PRDM16: variants seen among roughly 807,000 people sequenced by gnomAD.
PRDM16 encodes the protein PR/SET domain 16.
In PRDM16, 23 loss-of-function variants were observed where a neutral mutation model predicts 110.6. The observed-to-expected ratio is 0.21, with a 90% confidence interval of 0.15 to 0.29. PRDM16 has a LOEUF of 0.29. Ranked by LOEUF, PRDM16 falls within the 10% of genes least tolerant of loss-of-function variation. PRDM16 has a pLI of 1.00. For synonymous variants in PRDM16, 799 were observed against 781.8 expected (o/e 1.02, Z -0.37); for missense variants, 1,615 against 1,794.3 (o/e 0.90, Z 1.81).
intron 3 of PRDM16, among the ~76,000 whole-genome samples, chr1:3,257,779 C>G (rs980132536): frequency 2.0e-5 from 3 of 152,212 alleles, no homozygotes; most frequent in African/African-American, 7.2e-5. Context: ...CAGGATACAA[C>G]CAACCACACA....
At chr1:3,180,984 AGTCTTACACACGATCTTACACGCG>A (rs1644149942) in intron 1 of PRDM16, among the ~76,000 whole-genome samples, 2 of 141,962 alleles carry the variant, frequency 1.4e-5, no homozygotes, top group African/African-American at 5.2e-5. Context: ...TTACACACGC[AGTCTTACACACGATCTTACACGCG>A]GTCTTACAAA....
At chr1:3,261,483 G>A (rs953414190) in intron 3 of PRDM16, among the ~76,000 whole-genome samples, 1 of 152,112 alleles carries the variant, frequency 6.6e-6, no homozygotes, top group African/African-American at 2.4e-5. Context: ...AGCTGGAGAC[G>A]GGGTGAGAAA....
At chr1:3,229,070 G>A (rs1002905931) in intron 2 of PRDM16, among the ~76,000 whole-genome samples, 3 of 152,250 alleles carry the variant, frequency 2.0e-5, no homozygotes, top group African/African-American at 7.2e-5. Flanking sequence ...AGGCGGGAAG[G>A]TGCCCGTTTC....
At chr1:3,120,686 C>T (rs987744553) in intron 1 of PRDM16, among the ~76,000 whole-genome samples, 2 of 152,140 alleles carry the variant, frequency 1.3e-5, no homozygotes, top group African/African-American at 4.8e-5. Context: ...TGACACCTTT[C>T]GCAGTGAAAG....
At chr1:3,230,225 G>A (rs575990899) in intron 2 of PRDM16, among the ~76,000 whole-genome samples, 7 of 152,312 alleles carry the variant, frequency 4.6e-5, no homozygotes, top group Middle Eastern at 3.4e-3. Flanking sequence ...CCTGCCCGAC[G>A]GCTCTCCACA....
chr1:3,389,893 T>G (rs1464141955), intron 4 of PRDM16, among the ~76,000 whole-genome samples: 1 of 151,216 alleles, frequency 6.6e-6, no homozygotes, highest in African/African-American at 2.4e-5. Context: ...CGTCCGAGCA[T>G]GAGCGGAAGG....
intron 2 of PRDM16, among the ~76,000 whole-genome samples, chr1:3,224,691 G>A (rs545407389): frequency 2.6e-5 from 4 of 152,382 alleles, no homozygotes; most frequent in Admixed American, 2.0e-4. Flanking sequence ...ATGATGAGGT[G>A]GAGGAATGAG....
intron 3 of PRDM16, among the ~76,000 whole-genome samples, chr1:3,297,204 T>C (rs563497265): frequency 6.6e-6 from 1 of 152,182 alleles, no homozygotes; most frequent in East Asian, 1.9e-4. Context: ...TGGACTCACA[T>C]TACCAGCATT....
At chr1:3,401,620 C>T (rs546198133) in intron 5 of PRDM16, among the ~76,000 whole-genome samples, 11 of 151,558 alleles carry the variant, frequency 7.3e-5, no homozygotes, top group Middle Eastern at 6.8e-3. Context: ...ACACAATGTG[C>T]GTGTTCACAC....
chr1:3,117,869 A>G (rs184757769), intron 1 of PRDM16, among the ~76,000 whole-genome samples: 6 of 152,274 alleles, frequency 3.9e-5, no homozygotes, highest in African/African-American at 1.4e-4. Context: ...AATGCAGGAC[A>G]AAGGCTCCAG....
intron 3 of PRDM16, among the ~76,000 whole-genome samples, chr1:3,315,840 A>G (rs549716198): frequency 1.3e-5 from 2 of 152,296 alleles, no homozygotes; most frequent in Non-Finnish European, 2.9e-5. Flanking sequence ...TGTATTGATT[A>G]GAGCCGGGCT....
intron 3 of PRDM16, among the ~76,000 whole-genome samples, chr1:3,287,054 C>T (rs72849011): frequency 0.032 from 4,829 of 152,204 alleles, 258 homozygotes; most frequent in African/African-American, 0.11. Flanking sequence ...CATTTTCCCA[C>T]CCTTGATCTG....
intron 3 of PRDM16, among the ~76,000 whole-genome samples, chr1:3,328,715 C>T (rs1641975574): frequency 6.6e-6 from 1 of 152,266 alleles, no homozygotes; most frequent in Admixed American, 6.5e-5. Context: ...AGACTTGGCT[C>T]GGGCATCAGT....
chr1:3,251,638 C>T (rs757836298), intron 3 of PRDM16, among the ~76,000 whole-genome samples: 14 of 152,146 alleles, frequency 9.2e-5, no homozygotes, highest in Middle Eastern at 3.2e-3. Flanking sequence ...GCAGCCCCTC[C>T]GTTGTGGCCA....
At position 3,435,775 on chromosome 1, in the gene PRDM16, G is replaced by A. The variant is rs973847642; in HGVS notation, c.*1964G>A. On this transcript the variant is annotated 3_prime_UTR_variant, in exon 17 of 17. Coordinates refer to ENST00000270722, the MANE Select transcript of PRDM16 (RefSeq NM_022114.4). The stretch of plus-strand genomic sequence containing the variant: ...GGACAAAAGACAATCGTCTCTGTGG[G>A]TGCCGGGTGGTCCAGGCTTGCACTG... 4 of 232,316 alleles carry A rather than the reference G, an allele frequency of 1.7e-5. No individual in the cohort carries two copies. The highest frequency in any genetic ancestry group is 3.4e-5 in the Non-Finnish European group (4 of 117,576). 14.4% of individuals were successfully genotyped at this position (232,316 alleles called of 1,614,324 possible).
In PRDM16 at chr1:3,435,597, T is replaced by TAA. The variant is rs34485545; in HGVS notation, c.*1794_*1795dup. ...GAAAAAAAATGCCCAAGTTGCCCTT[T>TAA]AAAAAAAAAGAGCGTAAATACAAAC... On this transcript the variant is annotated 3_prime_UTR_variant, in exon 17 of 17. Transcript: ENST00000270722. The TAA allele has an allele frequency of 6.2e-5, 14 of 227,202 alleles. No homozygotes were observed. Among genetic ancestry groups the TAA allele is most frequent in the African/African-American group, 9.0e-5 (4 of 44,684 alleles). The allele number at this position is 227,202 out of a possible 1,614,324, so 14.1% of individuals were successfully genotyped here.
At chr1:3,116,187 C>T (rs975986180) in intron 1 of PRDM16, among the ~76,000 whole-genome samples, 3 of 152,132 alleles carry the variant, frequency 2.0e-5, no homozygotes, top group Non-Finnish European at 2.9e-5. Flanking sequence ...TGTTCCTTAC[C>T]GGGGAGAACA....
In PRDM16 at chr1:3,186,287, C is replaced by T. The variant is rs1060501005; in HGVS notation, c.200C>T (p.Pro67Leu). ...GACTTCACCCCCAAGGAGGGCTCGC[C>T]GTACGAGGCCCCTGTCTACATTCCT... is the stretch of plus-strand genomic sequence containing the variant. The part of the protein sequence containing the change: ...SEDFTPKEGS[P>L]YEAPVYIPED... The change falls in exon 2 of 17, where the codon CCG (proline) becomes CTG (leucine). Residue 67 changes from proline to leucine, a missense_variant. This residue lies in a region of PRDM16 where 416 missense variants were observed against 467.1 expected (regional missense o/e 0.89). Coordinates refer to ENST00000270722, the MANE Select transcript of PRDM16 (RefSeq NM_022114.4). The T allele has an allele frequency of 7.4e-6, 12 of 1,611,534 alleles. No homozygotes were observed. Among genetic ancestry groups the T allele is most frequent in the Admixed American group, 1.7e-5 (1 of 59,886 alleles).
At chr1:3,331,873 GGGGCCTCAGGGACTCC>G (rs1202159387) in intron 3 of PRDM16, among the ~76,000 whole-genome samples, 1 of 152,216 alleles carries the variant, frequency 6.6e-6, no homozygotes, top group Non-Finnish European at 1.5e-5. Context: ...ACAGCCCCGG[GGGGCCTCAGGGACTCC>G]GGGCTCATGA....
Sources: gnomAD v4.1 joint callset for allele counts (sites outside exome capture counted in the v4.1 genomes callset) on GRCh38, gnomAD v4.1.1 for gene constraint, gnomAD v4.1.1 regional missense constraint, MANE v1.5 for transcripts, NCBI Gene and HGNC (gene_info 2026-07-23, HGNC 2026-07-21) for gene names.